The following TTLL13 variants were observed in gnomAD, a reference collection of about 807,000 sequenced individuals.
TTLL13 encodes the protein tubulin tyrosine ligase like 13, also known as tubulin polyglutamylase TTLL13.
the TTLL13 span, among the ~76,000 whole-genome samples, chr15:90,256,569 CTTT>C: frequency 0.041 from 1,358 of 33,300 alleles, 35 homozygotes; most frequent in Non-Finnish European, 0.042. Context: ...TTCTTTCTTT[CTTT>C]CTTTCTTTCT....
the TTLL13 span, chr15:90,255,863 C>T: frequency 1.3e-5 from 21 of 1,614,074 alleles, no homozygotes; most frequent in Admixed American, 3.3e-5. Flanking sequence ...CATCTTCCCC[C>T]GCACCTGGTG....
the TTLL13 span, among the ~76,000 whole-genome samples, chr15:90,251,280 A>AT: frequency 0.24 from 26,792 of 109,464 alleles, 3,688 homozygotes; most frequent in Middle Eastern, 0.31. Context: ...CGCATGGCAA[A>AT]TTTTTTTTTT....
the TTLL13 span, among the ~76,000 whole-genome samples, chr15:90,254,206 A>ATTT: frequency 4.8e-5 from 4 of 83,338 alleles, no homozygotes; most frequent in African/African-American, 1.4e-4. Context: ...TTTTTTTAAA[A>ATTT]AAAAAAGGCT....
chr15:90,265,296 A>C, the TTLL13 span: 9 of 1,209,544 alleles, frequency 7.4e-6, no homozygotes, highest in East Asian at 4.9e-5. Context: ...CCAGGAGACA[A>C]TGAGCCCCTT....
chr15:90,252,657 C>T, the TTLL13 span, among the ~76,000 whole-genome samples: 1 of 152,076 alleles, frequency 6.6e-6, no homozygotes, highest in Non-Finnish European at 1.5e-5. Context: ...CCAGTGTGAC[C>T]CCACCTATAG....
the TTLL13 span, chr15:90,263,492 A>C: frequency 1.6e-5 from 8 of 510,402 alleles, no homozygotes; most frequent in Non-Finnish European, 3.5e-6. Flanking sequence ...TCTCCCTAGC[A>C]CTGCCAGTGC....
At chr15:90,261,137 G>A in the TTLL13 span, among the ~76,000 whole-genome samples, 1 of 145,362 alleles carries the variant, frequency 6.9e-6, no homozygotes, top group Non-Finnish European at 1.5e-5. Flanking sequence ...GGAGTGCAGT[G>A]CCACGATCTT....
the TTLL13 span, among the ~76,000 whole-genome samples, chr15:90,256,547 TTC>T: frequency 5.1e-4 from 12 of 23,520 alleles, no homozygotes; most frequent in Admixed American, 2.0e-3. Flanking sequence ...TCCTTCCTTT[TTC>T]TTTCTTTCTT....
the TTLL13 span, chr15:90,263,515 G>A: frequency 1.1e-4 from 57 of 528,018 alleles, no homozygotes; most frequent in South Asian, 2.9e-4. Context: ...CAGCTCTAAT[G>A]GGAGATAAGT....
chr15:90,249,947 T>TTTTTATTTA, the TTLL13 span: 3 of 147,574 alleles, frequency 2.0e-5, no homozygotes, highest in African/African-American at 7.6e-5. Flanking sequence ...CTGTATTTTA[T>TTTTTATTTA]TTTATTTATT....
the TTLL13 span, chr15:90,258,740 C>G: frequency 3.1e-6 from 5 of 1,613,656 alleles, no homozygotes; most frequent in African/African-American, 6.7e-5. Context: ...CTCCTCCTGG[C>G]AGGTAAACCA....
At chr15:90,264,773 G>T in the TTLL13 span, 82 of 1,536,112 alleles carry the variant, frequency 5.3e-5, no homozygotes, top group African/African-American at 1.0e-3. Flanking sequence ...GGCAGGATCA[G>T]TGCCACCCAC....
chr15:90,250,950 C>CA, the TTLL13 span: 1 of 1,566,316 alleles, frequency 6.4e-7, no homozygotes, highest in South Asian at 1.2e-5. Flanking sequence ...GGCCTCCCTT[C>CA]AACATCTGGA....
the TTLL13 span, among the ~76,000 whole-genome samples, chr15:90,256,553 C>T: frequency 0.46 from 35,424 of 76,782 alleles, 5,943 homozygotes; most frequent in East Asian, 0.75. Flanking sequence ...CTTTTTCTTT[C>T]TTTCTTTCTT....
chr15:90,264,899 CTCT>C, the TTLL13 span: 1 of 1,536,126 alleles, frequency 6.5e-7, no homozygotes, highest in Non-Finnish European at 8.7e-7. Flanking sequence ...CAAGGTTCCC[CTCT>C]GCCCTGCGTC....
chr15:90,258,967 T>A, the TTLL13 span: 13 of 1,613,816 alleles, frequency 8.1e-6, no homozygotes, highest in South Asian at 1.4e-4. Flanking sequence ...TCTTCATTAT[T>A]CCTGAGAGTA....
the TTLL13 span, among the ~76,000 whole-genome samples, chr15:90,254,394 G>C: frequency 6.8e-6 from 1 of 147,700 alleles, no homozygotes; most frequent in South Asian, 2.2e-4. Context: ...TTAGGAGGCT[G>C]AGGCAGGAGA....
At chr15:90,257,002 G>A in the TTLL13 span, 1 of 846,364 alleles carries the variant, frequency 1.2e-6, no homozygotes, top group East Asian at 2.9e-5. Flanking sequence ...CATTTATTAA[G>A]TGGGAGTAAT....
At chr15:90,259,139 G>A in the TTLL13 span, 1 of 1,149,902 alleles carries the variant, frequency 8.7e-7, no homozygotes, top group Admixed American at 2.9e-5. Flanking sequence ...GAGGCAGGAG[G>A]ATTGCTTGAG....
Sources: allele counts gnomAD v4.1 joint callset (sites outside exome capture counted in the v4.1 genomes callset), GRCh38; gene constraint gnomAD v4.1.1; transcripts MANE v1.5; gene names NCBI Gene and HGNC (gene_info 2026-07-23, HGNC 2026-07-21).